Variants in TTC28 observed in about 807,000 individuals in gnomAD.
The protein encoded by TTC28 is tetratricopeptide repeat protein 28.
In TTC28, 61 loss-of-function variants were observed where a neutral mutation model predicts 198.0. The ratio of observed to expected loss-of-function variants is 0.31; its 90% CI spans 0.25 to 0.38. The LOEUF (loss-of-function observed/expected upper bound fraction) is 0.38. Among genes scored for constraint, TTC28 ranks in the 10% least tolerant of loss-of-function variants. The pLI is 1.00. For synonymous variants in TTC28, 1,171 were observed against 1,297.8 expected (o/e 0.90, Z 2.10); for missense variants, 2,678 against 3,164.0 (o/e 0.85, Z 3.69).
intron 2 of TTC28, among the ~76,000 whole-genome samples, chr22:28,479,524 C>T (rs1222841820): frequency 6.6e-6 from 1 of 152,164 alleles, no homozygotes; most frequent in South Asian, 2.1e-4. Context: ...ACACTAGTGA[C>T]TGCTGTTGCA....
chr22:28,610,832 T>G (rs2050806485), intron 2 of TTC28, among the ~76,000 whole-genome samples: 1 of 151,812 alleles, frequency 6.6e-6, no homozygotes, highest in East Asian at 1.9e-4. Context: ...TGAAAAAAGG[T>G]CAGACAAATT....
At chr22:28,222,994 G>C (rs186254523) in intron 5 of TTC28, among the ~76,000 whole-genome samples, 53 of 152,284 alleles carry the variant, frequency 3.5e-4, no homozygotes, top group Non-Finnish European at 6.5e-4. Flanking sequence ...CAAGCATTAG[G>C]TATGCTGACA....
chr22:28,486,297 GTA>G (rs1452650875), intron 2 of TTC28, among the ~76,000 whole-genome samples: 1 of 152,000 alleles, frequency 6.6e-6, no homozygotes, highest in Non-Finnish European at 1.5e-5. Flanking sequence ...AAAAGAGAAG[GTA>G]TAATAAAAGG....
At chr22:28,391,796 C>T (rs955728565) in intron 2 of TTC28, among the ~76,000 whole-genome samples, 7 of 152,154 alleles carry the variant, frequency 4.6e-5, no homozygotes, top group Admixed American at 3.9e-4. Context: ...AATTTCCTCC[C>T]GTAGCTCGGA....
At position 28,376,625 on chromosome 22, in the gene TTC28, C is replaced by T. The variant is rs530881835; in HGVS notation, c.382-69982G>A. On this transcript the variant is annotated intron_variant, in intron 2 of 22. Transcript: ENST00000397906. ...AAGGGGAAAAAAGGGGTAAGCCCTACCTCTAAGTGCACTGCCTAGAGAGTT... is the reference window on the plus strand; with the variant it reads ...AAGGGGAAAAAAGGGGTAAGCCCTATCTCTAAGTGCACTGCCTAGAGAGTT... Among the ~76,000 whole-genome samples, 4 of 152,226 alleles carry T rather than the reference C, an allele frequency of 2.6e-5. No individual in the cohort carries two copies. In the South Asian group the frequency reaches 8.3e-4, roughly 32 times the overall value.
At chr22:28,111,362 G>A (rs1019382936) in intron 6 of TTC28, among the ~76,000 whole-genome samples, 6 of 152,070 alleles carry the variant, frequency 3.9e-5, no homozygotes, top group African/African-American at 1.4e-4. Context: ...AGCTTCCCGA[G>A]AGGAAATAAT....
intron 2 of TTC28, among the ~76,000 whole-genome samples, chr22:28,622,780 G>C (rs750674001): frequency 8.5e-5 from 13 of 152,048 alleles, no homozygotes; most frequent in Non-Finnish European, 1.3e-4. Flanking sequence ...ATAATGCAAA[G>C]AGTAAGTAGA....
At chr22:28,659,056 C>G (rs1363428622) in intron 1 of TTC28, among the ~76,000 whole-genome samples, 1 of 152,074 alleles carries the variant, frequency 6.6e-6, no homozygotes, top group East Asian at 1.9e-4. Flanking sequence ...TGTAAGAAAA[C>G]AGCAGGAAGG....
chr22:28,499,177 T>C (rs1365069805), intron 2 of TTC28, among the ~76,000 whole-genome samples: 3 of 152,258 alleles, frequency 2.0e-5, no homozygotes, highest in East Asian at 3.9e-4. Context: ...ATCCCATCTC[T>C]AGAAAAATAA....
At chr22:28,247,437 G>A (rs1400654629) in intron 5 of TTC28, among the ~76,000 whole-genome samples, 7 of 152,178 alleles carry the variant, frequency 4.6e-5, no homozygotes, top group Non-Finnish European at 1.0e-4. Context: ...CTGCCCCTAC[G>A]CTGCTTGAGG....
chr22:28,624,561 C>A (rs879707640), intron 2 of TTC28, among the ~76,000 whole-genome samples: 4 of 151,902 alleles, frequency 2.6e-5, no homozygotes, highest in African/African-American at 7.3e-5. Flanking sequence ...ATTTGAATAG[C>A]CCTACATCAA....
intron 2 of TTC28, among the ~76,000 whole-genome samples, chr22:28,498,585 C>G (rs1359232855): frequency 6.6e-6 from 1 of 152,112 alleles, no homozygotes; most frequent in Non-Finnish European, 1.5e-5. Context: ...GAAAGGGGCT[C>G]CCTTGGTTTC....
chr22:28,217,063 G>A (rs1056230212), intron 5 of TTC28, among the ~76,000 whole-genome samples: 2 of 152,026 alleles, frequency 1.3e-5, no homozygotes, highest in African/African-American at 4.8e-5. Flanking sequence ...TTTAGCTTCA[G>A]TGTGGAGAAA....
intron 1 of TTC28, among the ~76,000 whole-genome samples, chr22:28,664,723 G>A (rs2145702297): frequency 7.8e-5 from 1 of 12,808 alleles, no homozygotes; most frequent in African/African-American, 4.2e-4. Flanking sequence ...AAAACACTCT[G>A]CAGGATATTA....
At chr22:28,646,050 C>T (rs543524601) in intron 1 of TTC28, among the ~76,000 whole-genome samples, 2 of 152,130 alleles carry the variant, frequency 1.3e-5, no homozygotes, top group South Asian at 2.1e-4. Flanking sequence ...CTATTCAATA[C>T]AGTACTGAGG....
intron 2 of TTC28, among the ~76,000 whole-genome samples, chr22:28,618,400 G>C (rs1476931436): frequency 1.3e-5 from 2 of 152,090 alleles, no homozygotes. Flanking sequence ...GAAAAAACCA[G>C]GCCGGGTGCA....
Position 28,630,690 on chromosome 22 carries a change from A to T in TTC28, c.103-860T>A, listed in dbSNP as rs146214894. Among the ~76,000 whole-genome samples, 755 of 152,252 alleles carry T rather than the reference A, an allele frequency of 5.0e-3. 11 individuals carry two copies. The highest frequency in any genetic ancestry group is 0.017 in the African/African-American group (711 of 41,546). Reference sequence around the variant, plus strand: ...TCAATAAACACAAACATTCTTCATGATCTGCTCTACATTATATTTAACTTT... The same window carrying T: ...TCAATAAACACAAACATTCTTCATGTTCTGCTCTACATTATATTTAACTTT... On this transcript the variant is annotated intron_variant, in intron 1 of 22. Coordinates refer to ENST00000397906, the MANE Select transcript of TTC28 (RefSeq NM_001145418.2).
intron 6 of TTC28, among the ~76,000 whole-genome samples, chr22:28,108,893 C>T (rs1348125203): frequency 6.6e-6 from 1 of 152,176 alleles, no homozygotes; most frequent in African/African-American, 2.4e-5. Flanking sequence ...CAAAATAAAG[C>T]AACCCTGAAG....
chr22:27,995,688 C>T (rs1221712164), intron 17 of TTC28, among the ~76,000 whole-genome samples: 2 of 152,134 alleles, frequency 1.3e-5, no homozygotes, highest in African/African-American at 2.4e-5. Context: ...AACTGTTCAA[C>T]TTTTATCACC....
Sources: allele counts gnomAD v4.1 joint callset (sites outside exome capture counted in the v4.1 genomes callset), GRCh38; gene constraint gnomAD v4.1.1; transcripts MANE v1.5; gene names NCBI Gene and HGNC (gene_info 2026-07-23, HGNC 2026-07-21).